The following CDKN2B-AS1 variants were observed in gnomAD, a reference collection of about 807,000 sequenced individuals.
CDKN2B-AS1 encodes CDKN2B and CDKN2A antisense cis and trans regulatory RNA 1.
At chr9:22,013,403 A>G (rs191409058) in intron 1 of CDKN2B-AS1, among the ~76,000 whole-genome samples, 36 of 152,294 alleles carry the variant, frequency 2.4e-4, no homozygotes, top group African/African-American at 7.9e-4. Context: ...AGGCTAGGAT[A>G]TTGAAATTGG....
chr9:22,030,949 T>A (rs1303493036), intron 1 of CDKN2B-AS1: 1 of 152,116 alleles, frequency 6.6e-6, no homozygotes, highest in Non-Finnish European at 1.5e-5. Flanking sequence ...TTTCACCAGG[T>A]GTAGTTAGGT....
At chr9:22,083,489 T>C (rs368567346) in intron 4 of CDKN2B-AS1, among the ~76,000 whole-genome samples, 1 of 152,144 alleles carries the variant, frequency 6.6e-6, no homozygotes, top group East Asian at 1.9e-4. Context: ...TCTCAATGAG[T>C]AGCCAGTTCT....
intron 4 of CDKN2B-AS1, among the ~76,000 whole-genome samples, chr9:22,099,617 C>T (rs145691308): frequency 1.3e-5 from 2 of 152,172 alleles, no homozygotes; most frequent in East Asian, 3.9e-4. Context: ...AATAGTGTGT[C>T]ACATAACTGA....
chr9:22,072,833 A>C (rs1412252078), intron 4 of CDKN2B-AS1, among the ~76,000 whole-genome samples: 1 of 152,176 alleles, frequency 6.6e-6, no homozygotes, highest in Non-Finnish European at 1.5e-5. Flanking sequence ...TACTGTCTTA[A>C]CTTTGTGTCT....
chr9:22,030,235 T>A (rs532981299), intron 1 of CDKN2B-AS1: 2 of 152,308 alleles, frequency 1.3e-5, no homozygotes, highest in East Asian at 3.9e-4. Context: ...AGATTTCAGC[T>A]TTTTGCTTGT....
chr9:22,022,215 A>T (rs1822045865), intron 1 of CDKN2B-AS1, among the ~76,000 whole-genome samples: 1 of 149,088 alleles, frequency 6.7e-6, no homozygotes, highest in African/African-American at 2.5e-5. Context: ...ATCTTGGTTA[A>T]TTTTCTGTCT....
At chr9:22,019,948 C>G (rs1030752157) in intron 1 of CDKN2B-AS1, among the ~76,000 whole-genome samples, 2 of 152,096 alleles carry the variant, frequency 1.3e-5, no homozygotes, top group Non-Finnish European at 1.5e-5. Flanking sequence ...GTTTGTTGTA[C>G]AGATTGTTTC....
chr9:22,053,438 G>C (rs1436607637), intron 3 of CDKN2B-AS1, among the ~76,000 whole-genome samples: 1 of 152,218 alleles, frequency 6.6e-6, no homozygotes, highest in African/African-American at 2.4e-5. Context: ...ATAGGCCCAG[G>C]CTGTTTTTCA....
At chr9:21,998,609 C>G (rs1820788491) in intron 1 of CDKN2B-AS1, among the ~76,000 whole-genome samples, 1 of 152,134 alleles carries the variant, frequency 6.6e-6, no homozygotes, top group African/African-American at 2.4e-5. Context: ...CTTCCACTGG[C>G]CTAAAAACCT....
chr9:22,105,628 C>T (rs1037814521), intron 4 of CDKN2B-AS1, among the ~76,000 whole-genome samples: 4 of 152,112 alleles, frequency 2.6e-5, no homozygotes, highest in Admixed American at 6.5e-5. Context: ...TGTGACCAAG[C>T]CTTGGAAATC....
chr9:22,042,895 T>G (rs916407217), intron 1 of CDKN2B-AS1, among the ~76,000 whole-genome samples: 9 of 152,120 alleles, frequency 5.9e-5, no homozygotes, highest in Non-Finnish European at 1.3e-4. Flanking sequence ...TATGTATGAC[T>G]GAGTGATGTG....
chr9:22,012,252 AG>A (rs1465837074), intron 1 of CDKN2B-AS1: 7 of 1,431,284 alleles, frequency 4.9e-6, no homozygotes, highest in Non-Finnish European at 6.9e-6. Flanking sequence ...ATTCAAGACA[AG>A]GAGGGTATCC....
chr9:22,122,770 C>T (rs1233201693), intron 4 of CDKN2B-AS1, among the ~76,000 whole-genome samples: 1 of 152,062 alleles, frequency 6.6e-6, no homozygotes, highest in African/African-American at 2.4e-5. Context: ...TGTTTTTATA[C>T]CAGTACCATG....
intron 1 of CDKN2B-AS1, among the ~76,000 whole-genome samples, chr9:22,020,858 C>A (rs1171029714): frequency 1.3e-5 from 2 of 152,006 alleles, no homozygotes; most frequent in African/African-American, 4.8e-5. Flanking sequence ...TTTCTTTTAC[C>A]GTGCAGAAGC....
chr9:22,048,005 G>A (rs2131275893), intron 2 of CDKN2B-AS1, among the ~76,000 whole-genome samples: 2 of 151,598 alleles, frequency 1.3e-5, no homozygotes, highest in Middle Eastern at 3.4e-3. Context: ...ATGTTGCCTA[G>A]GCTGGTCTCG....
intron 1 of CDKN2B-AS1, among the ~76,000 whole-genome samples, chr9:22,035,250 G>A (rs1412373098): frequency 6.6e-6 from 1 of 151,978 alleles, no homozygotes; most frequent in Admixed American, 6.6e-5. Context: ...TGAAATTCTA[G>A]TTCTTGTTGG....
At chr9:22,079,604 G>A (rs1225973348) in intron 4 of CDKN2B-AS1, among the ~76,000 whole-genome samples, 1 of 152,070 alleles carries the variant, frequency 6.6e-6, no homozygotes, top group African/African-American at 2.4e-5. Flanking sequence ...AGTGAATTGA[G>A]GCTTATCGGA....
chr9:22,125,229 T>TA (rs756253174), intron 4 of CDKN2B-AS1, among the ~76,000 whole-genome samples: 1 of 152,112 alleles, frequency 6.6e-6, no homozygotes, highest in Non-Finnish European at 1.5e-5. Context: ...ACTGAAGAAG[T>TA]AAAAAAAGAA....
chr9:22,034,561 G>C (rs1289922302), intron 1 of CDKN2B-AS1, among the ~76,000 whole-genome samples: 1 of 152,130 alleles, frequency 6.6e-6, no homozygotes, highest in African/African-American at 2.4e-5. Context: ...TAGTGTAGCT[G>C]TTAACAAAGA....
Sources: allele counts gnomAD v4.1 joint callset (sites outside exome capture counted in the v4.1 genomes callset), GRCh38; gene constraint gnomAD v4.1.1; transcripts MANE v1.5; gene names NCBI Gene and HGNC (gene_info 2026-07-23, HGNC 2026-07-21).